Variants in TMEM52B observed in about 807,000 individuals in gnomAD.
TMEM52B encodes the protein transmembrane protein 52B, also known as chromosome 12 open reading frame 59.
In TMEM52B, 11 loss-of-function variants were observed where a neutral mutation model predicts 16.1. The observed-to-expected ratio is 0.68, with a 90% CI of 0.43 to 1.13. The LOEUF (loss-of-function observed/expected upper bound fraction) is 1.13. TMEM52B is among the 50% of genes most tolerant of loss of function. The pLI is 0.00. For missense variants in TMEM52B, 243 were observed against 230.4 expected (o/e 1.05, Z -0.35); for synonymous variants, 101 against 93.8 (o/e 1.08, Z -0.45).
chr12:10,186,455 G>T lies in TMEM52B; in HGVS notation c.173G>T (p.Cys58Phe). 1 of 1,612,074 alleles carries T rather than the reference G, an allele frequency of 6.2e-7. No homozygotes were observed. The highest frequency in any genetic ancestry group is 8.5e-7 in the Non-Finnish European group (1 of 1,178,484). Residue 58 changes from cysteine to phenylalanine, a missense_variant, in exon 4 of 5, where the codon TGT becomes TTT. Physicochemically the swap from Cys to Phe is radical, Grantham distance 205 (BLOSUM62 -2). Transcript: ENST00000543484. ...LVVIGALLLL[C>F]GLTSLCFRCC... ...GTAATTGGCGCGCTGCTTCTCCTGT[G>T]TGGCCTGACGTCCCTGTGCTTCCGC...
chr12:10,182,657 G>T, intron 2 of TMEM52B, 64 bp downstream of exon 2: 1 of 1,466,842 alleles, frequency 6.8e-7, no homozygotes, highest in Non-Finnish European at 9.1e-7. Flanking sequence ...CCCCAAAAGA[G>T]AGTCAAGATG....
intron 4 of TMEM52B, 102 bp downstream of exon 4, chr12:10,186,691 T>C (rs775421828): frequency 9.3e-5 from 112 of 1,206,994 alleles, no homozygotes; most frequent in Non-Finnish European, 1.2e-4. Context: ...TATTAAAGAT[T>C]CCAGGACTCA....
rs745413632 is a variant in TMEM52B at position 10,190,096 on chromosome 12, C to T, written c.508C>T (p.Pro170Ser). ...PPVPEEKQLP[P>S]TEKESTRIVD... ...AGTACCTGAAGAAAAGCAGCTGCCT[C>T]CAACAGAGAAGGAGTCGACTCGAAT... Residue 170 changes from proline (P) to serine (S), a missense_variant, in exon 5 of 5, where the codon CCA (proline) becomes TCA (serine). By Grantham distance (74) the Pro-to-Ser change is moderately conservative. Transcript: ENST00000543484. The T allele has an allele frequency of 6.2e-7, 1 of 1,614,106 alleles. No individual in the cohort carries two copies. The highest frequency in any genetic ancestry group is 8.5e-7 in the Non-Finnish European group (1 of 1,180,028).
chr12:10,180,256 A>C (rs1948806653), intron 1 of TMEM52B, among the ~76,000 whole-genome samples: 1 of 149,378 alleles, frequency 6.7e-6, no homozygotes, highest in Non-Finnish European at 1.5e-5. Context: ...GCCCCCGTAC[A>C]GAGTGGGCTG....
chr12:10,182,484 T>C (rs142272390), intron 1 of TMEM52B, 66 bp from the exon 2 acceptor site: 304 of 1,516,178 alleles, frequency 2.0e-4, no homozygotes, highest in Non-Finnish European at 2.6e-4. Context: ...TGAGAGATGA[T>C]TGGTAAGCAG....
chr12:10,175,062 C>T (rs894553851), upstream of TMEM52B, among the ~76,000 whole-genome samples: 2 of 152,136 alleles, frequency 1.3e-5, no homozygotes, highest in Admixed American at 6.5e-5. Flanking sequence ...GATAACTGGA[C>T]AGATTTGAAA....
At chr12:10,180,836 G>T (rs1948813875) in intron 1 of TMEM52B, among the ~76,000 whole-genome samples, 1 of 152,138 alleles carries the variant, frequency 6.6e-6, no homozygotes, top group Admixed American at 6.6e-5. Context: ...ACGGAGTTTT[G>T]CCCTTGTTAC....
At chr12:10,181,337 C>T (rs375289811) in intron 1 of TMEM52B, among the ~76,000 whole-genome samples, 1 of 148,112 alleles carries the variant, frequency 6.8e-6, no homozygotes, top group African/African-American at 2.5e-5. Context: ...CATTTGGTCA[C>T]TTTTTTTTTT....
At chr12:10,186,059 C>T (rs1948875637) in intron 3 of TMEM52B, among the ~76,000 whole-genome samples, 1 of 151,516 alleles carries the variant, frequency 6.6e-6, no homozygotes. Context: ...AAAAATTAGT[C>T]GAGTGTGGTG....
upstream of TMEM52B, among the ~76,000 whole-genome samples, chr12:10,178,522 CA>C (rs56217145): frequency 0.5 from 54,733 of 109,780 alleles, 12,769 homozygotes; most frequent in Middle Eastern, 0.6. Flanking sequence ...GACTCCGTCT[CA>C]AAAAAAAAAA....
At position 10,191,501 on chromosome 12, in the gene TMEM52B, C is replaced by G. The variant is rs566437628; in HGVS notation, c.*1361C>G. The G allele has an allele frequency of 1.3e-5, 2 of 152,152 alleles. No individual in the cohort carries two copies. Among genetic ancestry groups the G allele is most frequent in the South Asian group, 4.2e-4 (2 of 4,810 alleles). The allele number at this position is 152,152 out of a possible 1,614,324, so 9.4% of individuals were successfully genotyped here. ...CTCCCAAAGTGCTGGAATTAGAGGCCTGACCCCCTGCTCCTGGCCTGAAAT... is the reference window on the plus strand; with the variant it reads ...CTCCCAAAGTGCTGGAATTAGAGGCGTGACCCCCTGCTCCTGGCCTGAAAT... On this transcript the variant is annotated 3_prime_UTR_variant, in exon 5 of 5. Coordinates refer to ENST00000543484, the MANE Select transcript of TMEM52B (RefSeq NM_001384896.1).
At chr12:10,188,879 T>G (rs919795728) in intron 4 of TMEM52B, among the ~76,000 whole-genome samples, 1 of 151,282 alleles carries the variant, frequency 6.6e-6, no homozygotes, top group Non-Finnish European at 1.5e-5. Context: ...TAGCTCGGCG[T>G]GGTGGCGGGC....
chr12:10,185,049 G>T (rs1339453180), intron 2 of TMEM52B, among the ~76,000 whole-genome samples: 1 of 152,054 alleles, frequency 6.6e-6, no homozygotes, highest in Non-Finnish European at 1.5e-5. Context: ...TTTGCAATAG[G>T]CACAGACATG....
intron 1 of TMEM52B, among the ~76,000 whole-genome samples, chr12:10,180,920 C>T (rs1167952232): frequency 2.6e-5 from 4 of 152,170 alleles, no homozygotes; most frequent in Non-Finnish European, 5.9e-5. Flanking sequence ...ATTCTCTTGC[C>T]TCAGCCTCCC....
intron 4 of TMEM52B, among the ~76,000 whole-genome samples, chr12:10,188,551 G>GAAAACA (rs202174138): frequency 2.8e-5 from 1 of 35,574 alleles, no homozygotes; most frequent in Non-Finnish European, 6.2e-5. Flanking sequence ...AGAAGAAAAA[G>GAAAACA]AAAAAGAAAA....
At chr12:10,182,632 A>T in intron 2 of TMEM52B, 39 bp downstream of exon 2, 1 of 1,526,342 alleles carries the variant, frequency 6.6e-7, no homozygotes, top group Non-Finnish European at 8.8e-7. Flanking sequence ...GGAGCAACAG[A>T]CCAAAACATC....
At chr12:10,173,301 C>G (rs1948738764) in intron 1 of TMEM52B, among the ~76,000 whole-genome samples, 1 of 148,314 alleles carries the variant, frequency 6.7e-6, no homozygotes, top group African/African-American at 2.5e-5. Flanking sequence ...TTAAATTACT[C>G]CAGGAAAAAA....
chr12:10,179,709 C>A, intron 1 of TMEM52B, 81 bp downstream of exon 1: 1 of 1,548,818 alleles, frequency 6.5e-7, no homozygotes, highest in East Asian at 2.2e-5. Flanking sequence ...AGGAAATGAA[C>A]TGCGGGGTGG....
At position 10,185,238 on chromosome 12, in the gene TMEM52B, C is replaced by A. The variant is rs1591991144; in HGVS notation, c.99-92C>A. 4.0e-5 allele frequency: 35 copies of A among 883,830 alleles called. 1 individual carries two copies. The East Asian group carries it at 7.7e-4, about 19-fold the overall frequency. 54.7% of individuals were successfully genotyped at this position (883,830 alleles called of 1,614,324 possible). On this transcript the variant is annotated intron_variant, in intron 2 of 4. Coordinates refer to ENST00000543484, the MANE Select transcript of TMEM52B (RefSeq NM_001384896.1). ...TGGTGCTTTATTTATAACAAGGTATCACATCATATTGTAACTCATATTTCT... is the reference window on the plus strand; with the variant it reads ...TGGTGCTTTATTTATAACAAGGTATAACATCATATTGTAACTCATATTTCT...
Sources: allele counts gnomAD v4.1 joint callset (sites outside exome capture counted in the v4.1 genomes callset), GRCh38; gene constraint gnomAD v4.1.1; transcripts MANE v1.5; gene names NCBI Gene and HGNC (gene_info 2026-07-23, HGNC 2026-07-21).